TP53INP2: variants seen among roughly 807,000 people sequenced by gnomAD.
TP53INP2 encodes tumor protein p53 inducible nuclear protein 2, also known as tumor protein p53-inducible nuclear protein 2.
Under a neutral mutation model 17.1 loss-of-function variants are expected in TP53INP2, and 12 were observed. The ratio of observed to expected loss-of-function variants is 0.70; its 90% CI spans 0.45 to 1.14. The LOEUF (loss-of-function observed/expected upper bound fraction) is 1.14. TP53INP2 is among the 50% of genes most tolerant of loss of function. TP53INP2 has a pLI of 0.00. For missense variants in TP53INP2, 342 were observed against 330.9 expected, an observed-to-expected ratio of 1.03 and a Z score of -0.26; for synonymous variants, 145 against 147.3, an observed-to-expected ratio of 0.98 and a Z score of 0.12.
At position 34,709,411 on chromosome 20, in the gene TP53INP2, C is replaced by T. The variant is rs778854667; in HGVS notation, c.300C>T (p.Leu100=). 2.5e-5 allele frequency: 40 copies of T among 1,613,796 alleles called. No individual in the cohort carries two copies. The highest frequency in any genetic ancestry group is 1.7e-5 in the Non-Finnish European group (20 of 1,179,888). ...AGAGCAGTCCCCTGGAGGACCTCCT[C>T]ATCGAGCACCCCAGCATGTCCGTTT... is the stretch of plus-strand genomic sequence containing the variant. ...RLQSSPLEDL[L]IEHPSMSVYV... is the part of the protein sequence containing the mutation. The change falls in exon 4 of 5, where the codon CTC becomes CTT. Residue 100 remains leucine (L), a synonymous_variant. Transcript: ENST00000374810. The surrounding 1 kb of genome is among the most constrained non-coding windows in gnomAD (Gnocchi z 5.4).
At chr20:34,706,876 T>TCAG in intron 2 of TP53INP2, among the ~76,000 whole-genome samples, 1 of 152,290 alleles carries the variant, frequency 6.6e-6, no homozygotes, top group South Asian at 2.1e-4. Context: ...GACAAGTGTC[T>TCAG]CAGCAGCAAA....
rs1489509293 is a variant in TP53INP2, at chr20:34,708,775, C to A, written c.36C>A (p.Thr12=). 8 of 1,600,032 alleles carry A rather than the reference C, an allele frequency of 5.0e-6. No individual in the cohort carries two copies. Among genetic ancestry groups the A allele is most frequent in the Non-Finnish European group, 6.8e-6 (8 of 1,173,316 alleles). ...GCCTCTCCAGCCTCTTCTTCAGCACCCCCTCGCCCCCCGAAGACCCCGACT... is the reference window on the plus strand; with the variant it reads ...GCCTCTCCAGCCTCTTCTTCAGCACACCCTCGCCCCCCGAAGACCCCGACT... ...FQRLSSLFFS[T]PSPPEDPDCP... The change falls in exon 3 of 5, where the codon ACC becomes ACA. Residue 12 remains threonine, a synonymous_variant. Coordinates refer to ENST00000374810, the MANE Select transcript of TP53INP2 (RefSeq NM_021202.3).
chr20:34,710,266 A>C lies in TP53INP2; in HGVS notation c.622A>C (p.Ser208Arg). Reference protein sequence around the residue: ...SRPRRSKNQSSFIYQPCQRQF... With the variant: ...SRPRRSKNQSRFIYQPCQRQF... ...TCCGCGCCGGTCCAAGAACCAGAGCAGCTTCATCTACCAGCCGTGCCAGCG... is the reference window on the plus strand; with the variant it reads ...TCCGCGCCGGTCCAAGAACCAGAGCCGCTTCATCTACCAGCCGTGCCAGCG... The change falls in exon 5 of 5, where the codon AGC becomes CGC. Residue 208 changes from serine to arginine, a missense_variant. Ser to Arg is a moderately radical substitution (Grantham distance 110). Transcript: ENST00000374810. This position sits in a 1 kb window ranked among gnomAD's most constrained non-coding sequence, Gnocchi z 4.9. 6.9e-7 allele frequency: 1 copy of C among 1,450,878 alleles called. No homozygotes were observed. The highest frequency in any genetic ancestry group is 1.4e-5 in the South Asian group (1 of 70,208). 89.9% of individuals were successfully genotyped at this position (1,450,878 alleles called of 1,614,324 possible). A position where few individuals can be genotyped will look rare whatever the true frequency, so the allele number is the denominator to read the frequency against.
In TP53INP2 at chr20:34,710,026, C is replaced by G; in HGVS notation, c.414-32C>G. 1 of 1,282,924 alleles carries G rather than the reference C, an allele frequency of 7.8e-7. No individual in the cohort carries two copies. The allele number at this position is 1,282,924 out of a possible 1,614,324, so 79.5% of individuals were successfully genotyped here. On this transcript the variant is annotated intron_variant, in intron 4 of 4. Transcript: ENST00000374810. The surrounding 1 kb of genome is among the most constrained non-coding windows in gnomAD (Gnocchi z 4.9). ...CTCTAGACCCCCCGCCCAGCTTACC[C>G]GGCTTGACCGAGCCTGGCTCTGTCC...
intron 2 of TP53INP2, among the ~76,000 whole-genome samples, chr20:34,708,386 G>T (rs1207627364): frequency 6.6e-6 from 1 of 152,036 alleles, no homozygotes; most frequent in Non-Finnish European, 1.5e-5. Context: ...CCTGGAGGAG[G>T]ATACTATTAT....
At position 34,709,276 on chromosome 20, in the gene TP53INP2, C is replaced by T. The variant is rs375277480; in HGVS notation, c.165C>T (p.Ala55=). 1.0e-4 allele frequency: 162 copies of T among 1,600,948 alleles called. 1 individual carries two copies. The African/African-American group carries it at 2.1e-3, about 20-fold the overall frequency. ...CACCCAGCCCCGGGGCCGCCCCTGCCCCCGCGGGCCGCCCTCCGCCCGCGC... is the reference window on the plus strand; with the variant it reads ...CACCCAGCCCCGGGGCCGCCCCTGCTCCCGCGGGCCGCCCTCCGCCCGCGC... ...AAPPSPGAAP[A]PAGRPPPAPS... is the part of the protein sequence containing the mutation. Residue 55 remains alanine, a synonymous_variant, in exon 4 of 5, where the codon GCC becomes GCT. Transcript: ENST00000374810. This position sits in a 1 kb window ranked among gnomAD's most constrained non-coding sequence, Gnocchi z 5.4.
At chr20:34,708,052 T>C (rs2146824655) in intron 2 of TP53INP2, among the ~76,000 whole-genome samples, 1 of 152,308 alleles carries the variant, frequency 6.6e-6, no homozygotes, top group African/African-American at 2.4e-5. Context: ...TGAGCCACTG[T>C]GCCCGGCCTA....
rs921429601 is a variant in TP53INP2, at chr20:34,712,568, T to C, written c.*2261T>C. The C allele has an allele frequency of 6.6e-6, 1 of 152,628 alleles. No individual in the cohort carries two copies. The highest frequency in any genetic ancestry group is 2.4e-5 in the African/African-American group (1 of 41,444). 9.5% of individuals were successfully genotyped at this position (152,628 alleles called of 1,614,324 possible). A position where few individuals can be genotyped will look rare whatever the true frequency, so the allele number is the denominator to read the frequency against. ...ATTTCTAAGAACCAACACTACTCAG[T>C]CTCCTGCTAGTCTGACTCCTGAAGC... is the stretch of plus-strand genomic sequence containing the variant. On this transcript the variant is annotated 3_prime_UTR_variant, in exon 5 of 5. Coordinates refer to ENST00000374810, the MANE Select transcript of TP53INP2 (RefSeq NM_021202.3).
At chr20:34,707,205 C>T (rs1338042712) in intron 2 of TP53INP2, among the ~76,000 whole-genome samples, 1 of 152,154 alleles carries the variant, frequency 6.6e-6, no homozygotes, top group Non-Finnish European at 1.5e-5. Flanking sequence ...CTCACTGAGC[C>T]CAAGCAACCT....
chr20:34,705,186 G>C (rs557824136), intron 1 of TP53INP2, among the ~76,000 whole-genome samples, 172 bp from the exon 2 acceptor site: 2 of 152,310 alleles, frequency 1.3e-5, no homozygotes, highest in East Asian at 3.9e-4. Flanking sequence ...ACCAATTAGA[G>C]TCATGCTCAC....
rs1988162612 is a variant in TP53INP2 at position 34,710,558 on chromosome 20, C to T, written c.*251C>T. 5.5e-6 allele frequency: 2 copies of T among 364,414 alleles called. No homozygotes were observed. The highest frequency in any genetic ancestry group is 9.7e-6 in the Non-Finnish European group (2 of 207,202). The allele number at this position is 364,414 out of a possible 1,614,324, so 22.6% of individuals were successfully genotyped here. ...CATCCATGCCCCCTACTCCTGGCCC[C>T]TCCATCCTTTCTTCTCTGGTCCCCA... On this transcript the variant is annotated 3_prime_UTR_variant, in exon 5 of 5. Coordinates refer to ENST00000374810, the MANE Select transcript of TP53INP2 (RefSeq NM_021202.3). This position sits in a 1 kb window ranked among gnomAD's most constrained non-coding sequence, Gnocchi z 4.9.
chr20:34,705,239 G>A (rs1987981243), intron 1 of TP53INP2, 119 bp from the exon 2 acceptor site: 1 of 152,228 alleles, frequency 6.6e-6, no homozygotes, highest in Non-Finnish European at 1.5e-5. Context: ...AGACATAATA[G>A]GGGCTCAGTA....
In TP53INP2 at chr20:34,709,158, CCGG is replaced by C; in HGVS notation, c.125-77_125-75del. 1 of 1,372,672 alleles carries C rather than the reference CCGG, an allele frequency of 7.3e-7. No homozygotes were observed. Among genetic ancestry groups the C allele is most frequent in the Non-Finnish European group, 9.4e-7 (1 of 1,069,470 alleles). 85.0% of individuals were successfully genotyped at this position (1,372,672 alleles called of 1,614,324 possible). ...GCCCTTTCTCTCCCCGCCCCCTTGT[CCGG>C]TGTGTGTGTGTGTGTGTGTGTGTGC... On this transcript the variant is annotated intron_variant, in intron 3 of 4. Transcript: ENST00000374810. The surrounding 1 kb of genome is among the most constrained non-coding windows in gnomAD (Gnocchi z 5.4).
Position 34,709,556 on chromosome 20 carries a change from C to T in TP53INP2, c.413+32C>T. The T allele has an allele frequency of 6.3e-7, 1 of 1,582,900 alleles. No individual in the cohort carries two copies. Among genetic ancestry groups the T allele is most frequent in the Non-Finnish European group, 8.5e-7 (1 of 1,171,112 alleles). On this transcript the variant is annotated intron_variant, in intron 4 of 4. Coordinates refer to ENST00000374810, the MANE Select transcript of TP53INP2 (RefSeq NM_021202.3). This position sits in a 1 kb window ranked among gnomAD's most constrained non-coding sequence, Gnocchi z 5.4. ...GGGCCGGGGGCGGAGCCTGGAGGCC[C>T]AGGGAGACGGATCTTGGAGGCCAGG...
At chr20:34,708,653 T>C in intron 2 of TP53INP2, 38 bp from the exon 3 acceptor site, 1 of 1,308,606 alleles carries the variant, frequency 7.6e-7, no homozygotes, top group Non-Finnish European at 1.1e-6. Flanking sequence ...GGGGTGAACC[T>C]CAATCAGTGG....
chr20:34,710,101 G>T lies in TP53INP2; in HGVS notation c.457G>T (p.Ala153Ser). ...CCGCGAGCCGCGGGCCGCGCGCCAC[G>T]CCGCTCCTCTCCCAGCGCGGGCGGC... Reference protein sequence around the residue: ...ARREPRAARHAAPLPARAALL... With the variant: ...ARREPRAARHSAPLPARAALL... Residue 153 changes from alanine (A) to serine (S), a missense_variant, in exon 5 of 5, where the codon GCC becomes TCC. Transcript: ENST00000374810. The surrounding 1 kb of genome is among the most constrained non-coding windows in gnomAD (Gnocchi z 4.9). 2 of 1,272,582 alleles carry T rather than the reference G, an allele frequency of 1.6e-6. No individual in the cohort carries two copies. The highest frequency in any genetic ancestry group is 2.0e-6 in the Non-Finnish European group (2 of 1,013,026). 78.8% of individuals were successfully genotyped at this position (1,272,582 alleles called of 1,614,324 possible). A position where few individuals can be genotyped will look rare whatever the true frequency, so the allele number is the denominator to read the frequency against.
chr20:34,710,039 C>A lies in TP53INP2; in HGVS notation c.414-19C>A. ...GCCCAGCTTACCCGGCTTGACCGAGCCTGGCTCTGTCCTCACAGGGAATTG... is the reference window on the plus strand; with the variant it reads ...GCCCAGCTTACCCGGCTTGACCGAGACTGGCTCTGTCCTCACAGGGAATTG... On this transcript the variant is annotated intron_variant, in intron 4 of 4. Transcript: ENST00000374810. The surrounding 1 kb of genome is among the most constrained non-coding windows in gnomAD (Gnocchi z 4.9). 7.8e-7 allele frequency: 1 copy of A among 1,289,930 alleles called. No homozygotes were observed. The highest frequency in any genetic ancestry group is 9.8e-7 in the Non-Finnish European group (1 of 1,019,058). 79.9% of individuals were successfully genotyped at this position (1,289,930 alleles called of 1,614,324 possible).
Position 34,709,010 on chromosome 20 carries a change from G to A in TP53INP2, c.124+147G>A, listed in dbSNP as rs889283328. 5.7e-6 allele frequency: 8 copies of A among 1,412,260 alleles called. No individual in the cohort carries two copies. Among genetic ancestry groups the A allele is most frequent in the African/African-American group, 1.4e-5 (1 of 69,548 alleles). 87.5% of individuals were successfully genotyped at this position (1,412,260 alleles called of 1,614,324 possible). On this transcript the variant is annotated intron_variant, in intron 3 of 4. Coordinates refer to ENST00000374810, the MANE Select transcript of TP53INP2 (RefSeq NM_021202.3). This position sits in a 1 kb window ranked among gnomAD's most constrained non-coding sequence, Gnocchi z 5.4. ...CACGGGGCCCCTTCCCATGAAAGCC[G>A]GGGCTCTCTCCTGGCGGCCCAGGAG... is the stretch of plus-strand genomic sequence containing the variant.
chr20:34,709,268 GC>G lies in TP53INP2; in HGVS notation c.161del (p.Pro54LeufsTer13). On this transcript the variant is annotated frameshift_variant, in exon 4 of 5. Coordinates refer to ENST00000374810, the MANE Select transcript of TP53INP2 (RefSeq NM_021202.3). LOFTEE classifies it high-confidence loss of function. This position sits in a 1 kb window ranked among gnomAD's most constrained non-coding sequence, Gnocchi z 5.4. ...CGCGGCTCCACCCAGCCCCGGGGCCGCCCCTGCCCCCGCGGGCCGCCCTCCG... is the reference window on the plus strand; with the variant it reads ...CGCGGCTCCACCCAGCCCCGGGGCCGCCCTGCCCCCGCGGGCCGCCCTCCG... ...SYAAPPSPGA[A>X]PAPAGRPPPA... The G allele has an allele frequency of 1.3e-6, 2 of 1,590,484 alleles. No homozygotes were observed. Among genetic ancestry groups the G allele is most frequent in the Non-Finnish European group, 1.7e-6 (2 of 1,168,604 alleles).
Sources: allele counts gnomAD v4.1 joint callset (sites outside exome capture counted in the v4.1 genomes callset), GRCh38; gene constraint gnomAD v4.1.1; non-coding constraint Gnocchi (gnomAD v3.1); transcripts MANE v1.5; gene names NCBI Gene and HGNC (gene_info 2026-07-23, HGNC 2026-07-21).